PARP16: variants seen among roughly 807,000 people sequenced by gnomAD.
PARP16 encodes protein mono-ADP-ribosyltransferase PARP16.
A neutral mutation model predicts 35.0 loss-of-function variants in PARP16; 31 were observed. That is an observed-to-expected ratio of 0.88 (90% CI 0.66 to 1.19). PARP16 has a LOEUF of 1.19. PARP16 is among the 50% of genes most tolerant of loss of function. The pLI is 0.00. For missense variants in PARP16, 424 were observed against 411.2 expected (o/e 1.03, Z -0.27); for synonymous variants, 162 against 169.5 (o/e 0.96, Z 0.34).
At chr15:65,233,394 T>A (rs565513069), downstream of PARP16, among the ~76,000 whole-genome samples, 35 of 151,404 alleles carry the variant, frequency 2.3e-4, no homozygotes, top group Non-Finnish European at 4.1e-4. Context: ...AGATCGAGAC[T>A]CCGTCTCAAA....
At chr15:65,284,337 CTTTTTTTTTTTTT>C (rs34254507) in intron 1 of PARP16, among the ~76,000 whole-genome samples, 1 of 67,034 alleles carries the variant, frequency 1.5e-5, no homozygotes, top group Non-Finnish European at 2.7e-5. Flanking sequence ...TTTCTTTCCT[CTTTTTTTTTTTTT>C]TTTTTTTTTT....
chr15:65,269,176 T>TTTTC (rs58938798), intron 2 of PARP16, among the ~76,000 whole-genome samples: 5,827 of 146,074 alleles, frequency 0.04, 165 homozygotes, highest in East Asian at 0.081. Context: ...TAGTCGGTTT[T>TTTTC]TTTCTTTCTT....
Position 65,264,988 on chromosome 15 carries a change from G to A in PARP16, c.519+1574C>T, listed in dbSNP as rs144785632. ...TCCAGGCCAGCACCAGTGTAAAGGG[G>A]AAGCCCCCTGAATTCCAGTAGCCTG... On this transcript the variant is annotated intron_variant, in intron 3 of 5. Coordinates refer to ENST00000649807, the MANE Select transcript of PARP16 (RefSeq NM_001316943.2). 2.7e-3 allele frequency among the ~76,000 whole-genome samples: 405 copies of A among 152,370 alleles called. 2 individuals are homozygous for A. Among genetic ancestry groups the A allele is most frequent in the African/African-American group, 9.2e-3 (383 of 41,580 alleles).
chr15:65,262,580 C>T (rs1333629930), intron 4 of PARP16, among the ~76,000 whole-genome samples: 2 of 152,206 alleles, frequency 1.3e-5, no homozygotes, highest in Non-Finnish European at 2.9e-5. Context: ...AGTCATCACT[C>T]TCTGGAGAGC....
At chr15:65,259,879 G>A (rs1020131439) in intron 5 of PARP16, among the ~76,000 whole-genome samples, 1 of 152,200 alleles carries the variant, frequency 6.6e-6, no homozygotes, top group African/African-American at 2.4e-5. Context: ...GATGGTGGCA[G>A]GTGGCAGGTA....
intron 1 of PARP16, among the ~76,000 whole-genome samples, chr15:65,281,196 C>T (rs1367084214): frequency 6.6e-6 from 1 of 152,146 alleles, no homozygotes; most frequent in Non-Finnish European, 1.5e-5. Flanking sequence ...AAGTGACAAA[C>T]CTGAAGTTCG....
At chr15:65,246,157 C>A (rs761572476) in intron 3 of PARP16, among the ~76,000 whole-genome samples, 1 of 152,154 alleles carries the variant, frequency 6.6e-6, no homozygotes, top group Non-Finnish European at 1.5e-5. Context: ...AGAGAATTTC[C>A]CAACTCAGCA....
intron 1 of PARP16, 90 bp downstream of exon 1, chr15:65,286,163 A>T: frequency 9.3e-7 from 1 of 1,069,748 alleles, no homozygotes; most frequent in Non-Finnish European, 1.3e-6. Flanking sequence ...TGTCATGTTT[A>T]CTAATGCGGA....
chr15:65,285,487 T>C (rs573600353), intron 1 of PARP16: 77 of 406,514 alleles, frequency 1.9e-4, no homozygotes, highest in African/African-American at 1.5e-3. Context: ...AGTCAGAATC[T>C]GATACCAATT....
chr15:65,254,871 T>C (rs1412723142), downstream of PARP16, among the ~76,000 whole-genome samples: 2 of 152,192 alleles, frequency 1.3e-5, no homozygotes, highest in Non-Finnish European at 2.9e-5. Context: ...CAACTTCCCC[T>C]ATTCTACCTC....
intron 1 of PARP16, among the ~76,000 whole-genome samples, chr15:65,275,604 G>A (rs1474928087): frequency 6.6e-6 from 1 of 152,116 alleles, no homozygotes; most frequent in Admixed American, 6.5e-5. Flanking sequence ...AGAGTGTGGG[G>A]AAGTGGCTGC....
chr15:65,234,420 T>C (rs927902576), downstream of PARP16: 6 of 152,232 alleles, frequency 3.9e-5, no homozygotes, highest in Admixed American at 1.3e-4. Flanking sequence ...AGCTGAGAGT[T>C]GTCAGTTAAA....
chr15:65,261,186 G>A (rs988700248), intron 4 of PARP16, among the ~76,000 whole-genome samples, 160 bp from the exon 5 acceptor site: 1 of 151,768 alleles, frequency 6.6e-6, no homozygotes, highest in Non-Finnish European at 1.5e-5. Context: ...TGAAAAAAAC[G>A]GAGAATCTGG....
intron 3 of PARP16, among the ~76,000 whole-genome samples, chr15:65,239,384 A>C (rs7498091): frequency 7.3e-6 from 1 of 136,126 alleles, no homozygotes; most frequent in Admixed American, 7.7e-5. Flanking sequence ...CTGAGATCCC[A>C]CCACTGCACG....
In PARP16 at chr15:65,286,667, C is replaced by G; in HGVS notation, c.-241G>C. 34 of 211,844 alleles carry G rather than the reference C, an allele frequency of 1.6e-4. No individual in the cohort carries two copies. The South Asian group carries it at 2.5e-3, about 15-fold the overall frequency. 13.1% of individuals were successfully genotyped at this position (211,844 alleles called of 1,614,324 possible). Reference sequence around the variant, plus strand: ...AGAGACCGAGGCCTGGACCGCGGGTCGGCGGGGAGGTTGGGCCCAGGGATA... The same window carrying G: ...AGAGACCGAGGCCTGGACCGCGGGTGGGCGGGGAGGTTGGGCCCAGGGATA... On this transcript the variant is annotated 5_prime_UTR_variant, in exon 1 of 6. Coordinates refer to ENST00000649807, the MANE Select transcript of PARP16 (RefSeq NM_001316943.2).
intron 5 of PARP16, 68 bp from the exon 6 acceptor site, chr15:65,259,610 C>G: frequency 7.0e-7 from 1 of 1,431,368 alleles, no homozygotes; most frequent in Non-Finnish European, 9.8e-7. Flanking sequence ...GTGTGTACAA[C>G]AAGTCTGGCT....
downstream of PARP16, among the ~76,000 whole-genome samples, chr15:65,232,766 A>G (rs574169066): frequency 6.6e-6 from 1 of 152,166 alleles, no homozygotes; most frequent in South Asian, 2.1e-4. Flanking sequence ...ATAAATAAAT[A>G]AAAAATGGGC....
intron 1 of PARP16, among the ~76,000 whole-genome samples, chr15:65,283,091 A>T (rs1426335695): frequency 6.6e-6 from 1 of 152,188 alleles, no homozygotes; most frequent in African/African-American, 2.4e-5. Flanking sequence ...GCAGAAAGAA[A>T]ATAAGTTCCA....
chr15:65,279,305 G>A (rs1401884686), intron 1 of PARP16, among the ~76,000 whole-genome samples: 2 of 152,148 alleles, frequency 1.3e-5, no homozygotes, highest in Admixed American at 1.3e-4. Flanking sequence ...CTATTAGTGT[G>A]GTACAGGTGT....
Sources: gnomAD v4.1 joint callset for allele counts (sites outside exome capture counted in the v4.1 genomes callset) on GRCh38, gnomAD v4.1.1 for gene constraint, MANE v1.5 for transcripts, NCBI Gene and HGNC (gene_info 2026-07-23, HGNC 2026-07-21) for gene names.